Variants in CACNA2D3 observed in about 807,000 individuals in gnomAD.
CACNA2D3 encodes the protein calcium voltage-gated channel auxiliary subunit alpha2delta 3.
CACNA2D3 carries 60 observed loss-of-function variants against 160.6 expected under a neutral mutation model. The observed-to-expected ratio is 0.37, with a 90% CI of 0.30 to 0.46. The LOEUF (loss-of-function observed/expected upper bound fraction) is 0.46. CACNA2D3 is among the 20% of genes least tolerant of loss of function. The pLI is 1.00. For missense variants in CACNA2D3, 1,205 were observed against 1,365.0 expected (o/e 0.88, Z 1.85); for synonymous variants, 558 against 492.9 (o/e 1.13, Z -1.75).
At chr3:54,827,003 C>G (rs577087977) in intron 14 of CACNA2D3, among the ~76,000 whole-genome samples, 35 of 152,342 alleles carry the variant, frequency 2.3e-4, no homozygotes, top group Admixed American at 1.2e-3. Context: ...CCTCCAAGAA[C>G]TCTAAGGACT....
At chr3:54,374,371 A>G (rs79487377) in intron 3 of CACNA2D3, among the ~76,000 whole-genome samples, 2,070 of 152,306 alleles carry the variant, frequency 0.014, 37 homozygotes, top group African/African-American at 0.046. Flanking sequence ...ACCTCTCAAG[A>G]ATCTGACCTG....
intron 4 of CACNA2D3, among the ~76,000 whole-genome samples, chr3:54,461,412 C>G (rs905170212): frequency 1.3e-5 from 2 of 150,920 alleles, no homozygotes; most frequent in African/African-American, 2.4e-5. Flanking sequence ...GTCCTGGACT[C>G]TTTTTGATTG....
chr3:54,791,394 A>G (rs1172216505), intron 13 of CACNA2D3, among the ~76,000 whole-genome samples: 1 of 152,232 alleles, frequency 6.6e-6, no homozygotes, highest in African/African-American at 2.4e-5. Context: ...TGGAGGGAAA[A>G]TAACAAGGAA....
At chr3:54,736,059 A>ATATG (rs1344366123) in intron 11 of CACNA2D3, among the ~76,000 whole-genome samples, 2 of 45,836 alleles carry the variant, frequency 4.4e-5, no homozygotes, top group African/African-American at 7.0e-5. Flanking sequence ...ATACATATGT[A>ATATG]TGTATATATA....
chr3:54,303,410 C>G (rs1269569543), intron 2 of CACNA2D3, among the ~76,000 whole-genome samples: 1 of 152,122 alleles, frequency 6.6e-6, no homozygotes, highest in Non-Finnish European at 1.5e-5. Flanking sequence ...GGTTTGTTTA[C>G]TAAGAAGAAA....
At chr3:54,816,581 G>A (rs1703462664) in intron 13 of CACNA2D3, among the ~76,000 whole-genome samples, 1 of 152,200 alleles carries the variant, frequency 6.6e-6, no homozygotes, top group Non-Finnish European at 1.5e-5. Flanking sequence ...CAGCTTTATA[G>A]GAGTTTACCA....
chr3:54,981,334 A>G (rs1702503008), intron 29 of CACNA2D3, among the ~76,000 whole-genome samples: 1 of 152,224 alleles, frequency 6.6e-6, no homozygotes, highest in Non-Finnish European at 1.5e-5. Flanking sequence ...AAAGACACAC[A>G]CAGCACACCA....
chr3:54,481,624 C>T (rs1013203894), intron 4 of CACNA2D3, among the ~76,000 whole-genome samples: 4 of 152,212 alleles, frequency 2.6e-5, no homozygotes, highest in African/African-American at 7.2e-5. Context: ...CTTCATTCTC[C>T]AGAGCGGTTG....
chr3:54,898,823 G>GT (rs1700260559), intron 26 of CACNA2D3, among the ~76,000 whole-genome samples: 1 of 152,072 alleles, frequency 6.6e-6, no homozygotes, highest in Non-Finnish European at 1.5e-5. Flanking sequence ...TACAGATGAC[G>GT]TAACATCTTA....
intron 27 of CACNA2D3, chr3:54,927,988 G>T: frequency 7.5e-7 from 1 of 1,340,966 alleles, no homozygotes; most frequent in Non-Finnish European, 1.1e-6. Flanking sequence ...CGAAGGGCAT[G>T]GCAGACTCAG....
chr3:55,060,562 G>A (rs62256189), intron 35 of CACNA2D3, among the ~76,000 whole-genome samples: 2,695 of 152,260 alleles, frequency 0.018, 42 homozygotes, highest in Non-Finnish European at 0.029. Flanking sequence ...CTTTGAGTTG[G>A]TGTGAAGATT....
intron 11 of CACNA2D3, among the ~76,000 whole-genome samples, chr3:54,732,658 A>G (rs901980844): frequency 2.0e-5 from 3 of 152,182 alleles, no homozygotes; most frequent in African/African-American, 7.2e-5. Context: ...TTGATTTCCC[A>G]GTACTTTCTC....
At chr3:54,371,803 A>G (rs970668746) in intron 3 of CACNA2D3, among the ~76,000 whole-genome samples, 1 of 152,274 alleles carries the variant, frequency 6.6e-6, no homozygotes, top group African/African-American at 2.4e-5. Flanking sequence ...ACACTCTGAT[A>G]TCTTCAATTT....
intron 11 of CACNA2D3, among the ~76,000 whole-genome samples, chr3:54,701,863 C>G (rs1010451445): frequency 6.6e-6 from 1 of 151,990 alleles, no homozygotes; most frequent in Non-Finnish European, 1.5e-5. Flanking sequence ...CAAACTAAAC[C>G]TCAAGGCTGC....
chr3:54,595,023 C>G (rs987616357), intron 9 of CACNA2D3, among the ~76,000 whole-genome samples: 4 of 152,164 alleles, frequency 2.6e-5, no homozygotes, highest in African/African-American at 9.7e-5. Context: ...TGTCATTCTT[C>G]TAAAGATTTG....
chr3:54,822,822 T>C (rs1371555526), intron 14 of CACNA2D3, among the ~76,000 whole-genome samples: 2 of 110,884 alleles, frequency 1.8e-5, no homozygotes, highest in African/African-American at 4.3e-5. Context: ...TTTCTTTCTT[T>C]CTTTCTTTCT....
Position 54,360,334 on chromosome 3 carries a change from C to A in CACNA2D3, c.322-26381C>A, listed in dbSNP as rs75790009. ...TTTCTTCAAACAGATGAATGAAAAA[C>A]TATATATGCAAACAAAATTGCAAAT... On this transcript the variant is annotated intron_variant, in intron 3 of 37. Transcript: ENST00000474759. Among the ~76,000 whole-genome samples, 1,418 of 152,274 alleles carry A rather than the reference C, an allele frequency of 9.3e-3. 18 individuals are homozygous for A. Among genetic ancestry groups the A allele is most frequent in the Admixed American group, 0.014 (219 of 15,288 alleles).
At chr3:54,807,180 C>T (rs1446176289) in intron 13 of CACNA2D3, among the ~76,000 whole-genome samples, 6 of 152,130 alleles carry the variant, frequency 3.9e-5, no homozygotes, top group African/African-American at 1.2e-4. Flanking sequence ...AAAGCAATGG[C>T]AACAAAAGAC....
intron 4 of CACNA2D3, among the ~76,000 whole-genome samples, chr3:54,458,360 T>C (rs1056091001): frequency 2.0e-5 from 3 of 152,160 alleles, no homozygotes; most frequent in African/African-American, 7.2e-5. Context: ...GATCTAGTGA[T>C]GATGAATTTC....
Sources: gnomAD v4.1 joint callset for allele counts (sites outside exome capture counted in the v4.1 genomes callset) on GRCh38, gnomAD v4.1.1 for gene constraint, MANE v1.5 for transcripts, NCBI Gene and HGNC (gene_info 2026-07-23, HGNC 2026-07-21) for gene names.